DIP2B: variants seen among roughly 807,000 people sequenced by gnomAD.
The protein encoded by DIP2B is disco-interacting protein 2 homolog B.
DIP2B carries 76 observed loss-of-function variants against 198.0 expected under a neutral mutation model. That is an observed-to-expected ratio of 0.38 (90% confidence interval 0.32 to 0.46). The LOEUF (loss-of-function observed/expected upper bound fraction) is 0.46. Among genes scored for constraint, DIP2B ranks in the 20% least tolerant of loss-of-function variants. The pLI is 0.99. For synonymous variants in DIP2B, 701 were observed against 739.1 expected (o/e 0.95, Z 0.84); for missense variants, 1,559 against 1,978.4 (o/e 0.79, Z 4.02).
chr12:50,698,724 C>T (rs549237835), intron 18 of DIP2B, among the ~76,000 whole-genome samples: 3 of 152,294 alleles, frequency 2.0e-5, no homozygotes, highest in African/African-American at 7.2e-5. Flanking sequence ...GTTAAAGTTA[C>T]CTGGTTTTCA....
In DIP2B at chr12:50,745,094, G is replaced by T; in HGVS notation, c.*255G>T. The T allele has an allele frequency of 4.3e-6, 2 of 469,802 alleles. No homozygotes were observed. Among genetic ancestry groups the T allele is most frequent in the East Asian group, 3.8e-5 (1 of 26,582 alleles). 29.1% of individuals were successfully genotyped at this position (469,802 alleles called of 1,614,324 possible). A position where few individuals can be genotyped will look rare whatever the true frequency, so the allele number is the denominator to read the frequency against. ...CAGCACATTACTAAAGCAATTACATGCATGTTGCATTTTTTTCATCTGTTG... is the reference window on the plus strand; with the variant it reads ...CAGCACATTACTAAAGCAATTACATTCATGTTGCATTTTTTTCATCTGTTG... On this transcript the variant is annotated 3_prime_UTR_variant, in exon 38 of 38. Coordinates refer to ENST00000301180, the MANE Select transcript of DIP2B (RefSeq NM_173602.3).
chr12:50,733,663 CGCT>C (rs745875926), intron 32 of DIP2B, among the ~76,000 whole-genome samples: 4 of 152,154 alleles, frequency 2.6e-5, no homozygotes, highest in Admixed American at 6.5e-5. Context: ...GTGATTGTAC[CGCT>C]GCACTCCAGC....
intron 28 of DIP2B, 101 bp downstream of exon 28, chr12:50,724,987 C>A: frequency 2.5e-6 from 3 of 1,190,550 alleles, no homozygotes; most frequent in South Asian, 1.3e-5. Context: ...GCCTTTATGT[C>A]TTCTGCCTGC....
At chr12:50,529,210 G>A (rs1041080734) in intron 1 of DIP2B, among the ~76,000 whole-genome samples, 2 of 152,168 alleles carry the variant, frequency 1.3e-5, no homozygotes, top group African/African-American at 4.8e-5. Flanking sequence ...GAAGATACCT[G>A]AACTCAGGGA....
At chr12:50,508,211 A>T (rs1957984792) in intron 1 of DIP2B, among the ~76,000 whole-genome samples, 1 of 152,230 alleles carries the variant, frequency 6.6e-6, no homozygotes, top group South Asian at 2.1e-4. Flanking sequence ...GAAATCATTT[A>T]AAAACTGAAT....
At chr12:50,514,234 TTTG>T (rs1958044491) in intron 1 of DIP2B, among the ~76,000 whole-genome samples, 1 of 151,814 alleles carries the variant, frequency 6.6e-6, no homozygotes, top group African/African-American at 2.4e-5. Flanking sequence ...CCCAGCTAAT[TTTG>T]TAGTTTTAGT....
intron 2 of DIP2B, among the ~76,000 whole-genome samples, chr12:50,626,260 T>C (rs1011765619): frequency 6.6e-6 from 1 of 152,182 alleles, no homozygotes; most frequent in African/African-American, 2.4e-5. Context: ...CATCAGATAA[T>C]TTACACAGAA....
chr12:50,652,007 G>A (rs771110815), intron 3 of DIP2B, among the ~76,000 whole-genome samples: 22 of 152,032 alleles, frequency 1.4e-4, no homozygotes, highest in Non-Finnish European at 2.6e-4. Flanking sequence ...TGGTGAAACC[G>A]TGTCTCTACT....
At chr12:50,527,092 T>G (rs898500520) in intron 1 of DIP2B, among the ~76,000 whole-genome samples, 1 of 152,238 alleles carries the variant, frequency 6.6e-6, no homozygotes, top group African/African-American at 2.4e-5. Flanking sequence ...ACTGAATATT[T>G]CACATGCCTG....
intron 2 of DIP2B, among the ~76,000 whole-genome samples, chr12:50,636,021 G>A (rs1243126472): frequency 6.6e-6 from 1 of 152,186 alleles, no homozygotes; most frequent in Non-Finnish European, 1.5e-5. Context: ...ACCAGCCTCT[G>A]ACCTCAAGTT....
At chr12:50,545,494 G>C (rs1418044150) in intron 1 of DIP2B, among the ~76,000 whole-genome samples, 1 of 146,412 alleles carries the variant, frequency 6.8e-6, no homozygotes, top group East Asian at 2.1e-4. Flanking sequence ...TCTCACCCCA[G>C]CCTCCCGAGT....
At chr12:50,699,611 G>A (rs925606931) in intron 19 of DIP2B, among the ~76,000 whole-genome samples, 5 of 152,152 alleles carry the variant, frequency 3.3e-5, no homozygotes, top group Non-Finnish European at 7.4e-5. Context: ...AGGTTGAGGC[G>A]GAAGGATTGC....
chr12:50,546,015 T>C (rs1337940104), intron 1 of DIP2B, among the ~76,000 whole-genome samples: 1 of 152,224 alleles, frequency 6.6e-6, no homozygotes, highest in Admixed American at 6.6e-5. Context: ...TACAGTTCTT[T>C]CTGTGGAAAT....
At chr12:50,571,848 G>A (rs1407579415) in intron 1 of DIP2B, among the ~76,000 whole-genome samples, 1 of 152,154 alleles carries the variant, frequency 6.6e-6, no homozygotes, top group African/African-American at 2.4e-5. Flanking sequence ...GTGAGCCACC[G>A]CGCCCAGCCT....
At chr12:50,526,718 C>T (rs531751872) in intron 1 of DIP2B, among the ~76,000 whole-genome samples, 55 of 10,972 alleles carry the variant, frequency 5.0e-3, no homozygotes, top group Admixed American at 8.4e-3. Flanking sequence ...CTCACTGCAA[C>T]CTCTGCCTCC....
chr12:50,668,495 G>T (rs1938794493), intron 4 of DIP2B, among the ~76,000 whole-genome samples: 1 of 152,088 alleles, frequency 6.6e-6, no homozygotes, highest in Non-Finnish European at 1.5e-5. Flanking sequence ...CAGACAAACA[G>T]GGTAACTGAA....
At chr12:50,536,934 G>A (rs117953473) in intron 1 of DIP2B, among the ~76,000 whole-genome samples, 377 of 150,924 alleles carry the variant, frequency 2.5e-3, no homozygotes, top group Non-Finnish European at 3.0e-3. Flanking sequence ...AGTGTGTGCT[G>A]TTGTTTTGGC....
At chr12:50,709,705 G>A (rs537168189) in intron 22 of DIP2B, among the ~76,000 whole-genome samples, 17 of 152,208 alleles carry the variant, frequency 1.1e-4, no homozygotes, top group African/African-American at 3.9e-4. Flanking sequence ...GGAAGGCTGA[G>A]GTGGGAGGAT....
At chr12:50,583,851 G>A (rs186157891) in intron 1 of DIP2B, among the ~76,000 whole-genome samples, 11 of 152,194 alleles carry the variant, frequency 7.2e-5, no homozygotes, top group Non-Finnish European at 1.5e-4. Flanking sequence ...TGGAAGAGTT[G>A]TCTACTCTTT....
Sources: allele counts gnomAD v4.1 joint callset (sites outside exome capture counted in the v4.1 genomes callset), GRCh38; gene constraint gnomAD v4.1.1; transcripts MANE v1.5; gene names NCBI Gene and HGNC (gene_info 2026-07-23, HGNC 2026-07-21).